Variants in MRTFA observed in about 807,000 individuals in gnomAD.
MRTFA encodes myocardin related transcription factor A, also known as myocardin-related transcription factor A.
In MRTFA, 20 loss-of-function variants were observed where a neutral mutation model predicts 83.5. The ratio of observed to expected loss-of-function variants is 0.24; its 90% CI spans 0.17 to 0.35. The LOEUF (loss-of-function observed/expected upper bound fraction) is 0.35. Among genes scored for constraint, MRTFA ranks in the 10% least tolerant of loss-of-function variants. MRTFA has a pLI of 1.00. For synonymous variants in MRTFA, 659 were observed against 541.2 expected, an observed-to-expected ratio of 1.22 and a Z score of -3.02; for missense variants, 1,200 against 1,224.7, an observed-to-expected ratio of 0.98 and a Z score of 0.30.
At chr22:40,557,140 C>T (rs1437482644) in intron 2 of MRTFA, among the ~76,000 whole-genome samples, 1 of 152,086 alleles carries the variant, frequency 6.6e-6, no homozygotes, top group African/African-American at 2.4e-5. Context: ...TAGTTGTTAA[C>T]TGAACAAAGA....
At position 40,552,301 on chromosome 22, in the gene MRTFA, C is replaced by G. The variant is rs1169914918; in HGVS notation, c.46G>C (p.Val16Leu). The change falls in exon 3 of 15, where the codon GTG becomes CTG. Residue 16 changes from valine (V) to leucine (L), a missense_variant. Physicochemically the swap from Val to Leu is conservative, Grantham distance 32. Transcript: ENST00000355630. ...GCCCCTCCTCCGTCCAGCCCATTCA[C>G]AGCAATGACGGAAGGGGGCAGGCAC... The G allele has an allele frequency of 5.0e-6, 2 of 399,050 alleles. No homozygotes were observed. Among genetic ancestry groups the G allele is most frequent in the East Asian group, 7.1e-5 (2 of 28,076 alleles). 24.7% of individuals were successfully genotyped at this position (399,050 alleles called of 1,614,324 possible).
chr22:40,416,905 A>G lies in MRTFA; in HGVS notation c.2578+81T>C. On this transcript the variant is annotated intron_variant, in intron 14 of 14. Coordinates refer to ENST00000355630, the MANE Select transcript of MRTFA (RefSeq NM_020831.6). The surrounding 1 kb of genome is among the most constrained non-coding windows in gnomAD (Gnocchi z 4.2). ...GACTGGTCACGCACGGAAGCATTCA[A>G]TAAAAACAAACCAACCCAGGGCTAG... The G allele has an allele frequency of 7.3e-7, 1 of 1,377,698 alleles. No homozygotes were observed. Among genetic ancestry groups the G allele is most frequent in the Non-Finnish European group, 1.0e-6 (1 of 997,052 alleles). The allele number at this position is 1,377,698 out of a possible 1,614,324, so 85.3% of individuals were successfully genotyped here.
chr22:40,503,669 G>A (rs2054534079), intron 3 of MRTFA, among the ~76,000 whole-genome samples: 1 of 152,204 alleles, frequency 6.6e-6, no homozygotes, highest in Non-Finnish European at 1.5e-5. Flanking sequence ...GCTCACGCCT[G>A]TAATCCCAAC....
intron 3 of MRTFA, among the ~76,000 whole-genome samples, chr22:40,498,719 G>C (rs2054404985): frequency 6.6e-6 from 1 of 152,082 alleles, no homozygotes; most frequent in Non-Finnish European, 1.5e-5. Context: ...GTATGGCCAA[G>C]ACCTATGCAG....
intron 4 of MRTFA, among the ~76,000 whole-genome samples, chr22:40,447,239 C>G (rs982275681): frequency 6.6e-6 from 1 of 151,504 alleles, no homozygotes; most frequent in African/African-American, 2.4e-5. Flanking sequence ...GTAGTCCGAT[C>G]TATTTGGGGG....
intron 3 of MRTFA, among the ~76,000 whole-genome samples, chr22:40,549,941 C>T (rs1208870622): frequency 2.0e-5 from 3 of 150,836 alleles, no homozygotes; most frequent in African/African-American, 4.9e-5. Context: ...CCCAGCTACT[C>T]GGGTGGCTGA....
At chr22:40,480,265 T>A (rs79319925) in intron 3 of MRTFA, among the ~76,000 whole-genome samples, 2,988 of 152,020 alleles carry the variant, frequency 0.02, 94 homozygotes, top group African/African-American at 0.067. Flanking sequence ...ACCAGTTCTC[T>A]GTATGTTTAT....
intron 3 of MRTFA, among the ~76,000 whole-genome samples, chr22:40,542,971 C>A (rs1338894521): frequency 6.6e-6 from 1 of 152,136 alleles, no homozygotes; most frequent in Non-Finnish European, 1.5e-5. Context: ...AGAGCAGGAA[C>A]TCTATCTGGT....
intron 3 of MRTFA, among the ~76,000 whole-genome samples, chr22:40,504,062 A>G (rs2054540780): frequency 6.6e-6 from 1 of 152,222 alleles, no homozygotes; most frequent in South Asian, 2.1e-4. Flanking sequence ...AAAGTTCAAA[A>G]CTGAACTGAG....
chr22:40,579,688 C>T lies in MRTFA; in HGVS notation c.-22+14986G>A, dbSNP rs550435272. The stretch of plus-strand genomic sequence containing the variant: ...CATCCTGGCCAACATGGTGAAACCC[C>T]GTCTCTACTAAAAATACAAAAATTA... On this transcript the variant is annotated intron_variant, in intron 2 of 14. Coordinates refer to ENST00000355630, the MANE Select transcript of MRTFA (RefSeq NM_020831.6). Among the ~76,000 whole-genome samples, 7 of 152,018 alleles carry T rather than the reference C, an allele frequency of 4.6e-5. No homozygotes were observed. In the East Asian group the frequency reaches 9.7e-4, roughly 21 times the overall value.
At chr22:40,441,536 G>A (rs1390935187) in intron 4 of MRTFA, among the ~76,000 whole-genome samples, 3 of 152,326 alleles carry the variant, frequency 2.0e-5, no homozygotes, top group East Asian at 1.9e-4. Flanking sequence ...CGTAATCCCA[G>A]CACTTTGGGA....
At chr22:40,434,359 A>G (rs960805672) in intron 5 of MRTFA, among the ~76,000 whole-genome samples, 12 of 149,838 alleles carry the variant, frequency 8.0e-5, no homozygotes, top group Non-Finnish European at 1.5e-4. Context: ...TTTTCTGGGG[A>G]GAGGGGAATG....
intron 2 of MRTFA, among the ~76,000 whole-genome samples, chr22:40,558,247 CTTTTTTTTTTTT>C (rs34991397): frequency 1.5e-4 from 7 of 45,486 alleles, no homozygotes; most frequent in Admixed American, 8.3e-4. Flanking sequence ...TCATGCCTGG[CTTTTTTTTTTTT>C]TTTTTTTTTT....
intron 3 of MRTFA, among the ~76,000 whole-genome samples, chr22:40,480,899 C>CCAA (rs2054079300): frequency 2.0e-5 from 3 of 151,870 alleles, no homozygotes; most frequent in African/African-American, 7.3e-5. Flanking sequence ...CAGGCATGAG[C>CCAA]CAACATGCCC....
chr22:40,544,077 G>A (rs778080453), intron 3 of MRTFA, among the ~76,000 whole-genome samples: 25 of 151,990 alleles, frequency 1.6e-4, no homozygotes, highest in Non-Finnish European at 3.4e-4. Context: ...AGTGGGGAAA[G>A]AAGAGTATTT....
chr22:40,513,235 G>A (rs1454698548), intron 3 of MRTFA, among the ~76,000 whole-genome samples: 2 of 152,226 alleles, frequency 1.3e-5, no homozygotes, highest in East Asian at 1.9e-4. Flanking sequence ...CTGAGATGCA[G>A]GAGGTAAGAA....
intron 2 of MRTFA, among the ~76,000 whole-genome samples, chr22:40,558,395 C>A (rs1340374739): frequency 2.6e-5 from 4 of 151,730 alleles, no homozygotes; most frequent in Non-Finnish European, 5.9e-5. Context: ...GAATGAGCCA[C>A]TGTGCCTCGC....
chr22:40,539,304 TTTAAG>T (rs1257138418), intron 3 of MRTFA, among the ~76,000 whole-genome samples: 3 of 151,606 alleles, frequency 2.0e-5, no homozygotes, highest in Non-Finnish European at 4.4e-5. Flanking sequence ...CCAGCCTAGT[TTTAAG>T]TTGTTTAACA....
At position 40,418,896 on chromosome 22, in the gene MRTFA, C is replaced by T. The variant is rs758846884; in HGVS notation, c.1842G>A (p.Gly614=). The T allele has an allele frequency of 2.9e-5, 47 of 1,612,370 alleles. No individual in the cohort carries two copies. Among genetic ancestry groups the T allele is most frequent in the Non-Finnish European group, 3.7e-5 (44 of 1,179,822 alleles). The stretch of plus-strand genomic sequence containing the variant: ...TGTCGCGCCCCTCTAGCTCCGCCCG[C>T]CCCCCAGGGCTCAGGCAACAGGACC... The change falls in exon 12 of 15, where the codon GGG becomes GGA. Residue 614 remains glycine, a synonymous_variant. Transcript: ENST00000355630.
Sources: allele counts gnomAD v4.1 joint callset (sites outside exome capture counted in the v4.1 genomes callset), GRCh38; gene constraint gnomAD v4.1.1; non-coding constraint Gnocchi (gnomAD v3.1); transcripts MANE v1.5; gene names NCBI Gene and HGNC (gene_info 2026-07-23, HGNC 2026-07-21).